The following DCAF6 variants were observed in gnomAD, a reference collection of about 807,000 sequenced individuals.
DCAF6 encodes the protein DDB1- and CUL4-associated factor 6.
A neutral mutation model predicts 125.1 loss-of-function variants in DCAF6; 54 were observed. The ratio of observed to expected loss-of-function variants is 0.43; its 90% CI spans 0.35 to 0.54. The LOEUF (loss-of-function observed/expected upper bound fraction) is 0.54, where lower values mean the gene tolerates loss of function less well. DCAF6 is among the 20% of genes least tolerant of loss of function. The probability of loss-of-function intolerance (pLI) is 0.01; values close to 1 mark genes in which losing one functional copy is unlikely to be tolerated. For missense variants in DCAF6, 934 were observed against 1,161.7 expected (o/e 0.80, Z 2.85); for synonymous variants, 371 against 390.4 (o/e 0.95, Z 0.58).
At chr1:167,890,057 G>C in the DCAF6 span, among the ~76,000 whole-genome samples, 2 of 151,786 alleles carry the variant, frequency 1.3e-5, no homozygotes, top group Admixed American at 1.3e-4. Flanking sequence ...TCTCCACCCT[G>C]GTGCCTTATT....
At chr1:167,863,691 C>T in the DCAF6 span, among the ~76,000 whole-genome samples, 4,415 of 152,330 alleles carry the variant, frequency 0.029, 223 homozygotes, top group African/African-American at 0.1. Flanking sequence ...GCCAGAGTGA[C>T]GCGGATCCTG....
chr1:167,962,559 A>T (rs898636398), intron 2 of DCAF6, among the ~76,000 whole-genome samples: 1 of 152,160 alleles, frequency 6.6e-6, no homozygotes, highest in East Asian at 1.9e-4. Flanking sequence ...ATTTTTCTCA[A>T]TCCATTTACT....
intron 4 of DCAF6, 91 bp from the exon 5 acceptor site, chr1:167,987,404 C>A: frequency 1.5e-6 from 1 of 674,410 alleles, no homozygotes; most frequent in South Asian, 2.0e-5. Context: ...TAACCTTTAC[C>A]TTAATCATTT....
the DCAF6 span, among the ~76,000 whole-genome samples, chr1:167,882,624 G>A: frequency 6.6e-6 from 1 of 152,062 alleles, no homozygotes; most frequent in East Asian, 1.9e-4. Flanking sequence ...AGCTTCTGGG[G>A]TAAGATGGTT....
At chr1:167,976,498 A>G (rs1228127042) in intron 4 of DCAF6, among the ~76,000 whole-genome samples, 2 of 152,052 alleles carry the variant, frequency 1.3e-5, no homozygotes, top group Non-Finnish European at 2.9e-5. Context: ...AATAAAGTCT[A>G]CCTTTCGAAT....
the DCAF6 span, chr1:167,903,799 A>C: frequency 1.1e-6 from 1 of 950,352 alleles, no homozygotes; most frequent in Non-Finnish European, 1.7e-6. Flanking sequence ...GTGCTAAGCA[A>C]TTGTACTCTA....
the DCAF6 span, among the ~76,000 whole-genome samples, chr1:167,906,656 G>A: frequency 5.3e-4 from 81 of 151,412 alleles, no homozygotes; most frequent in Admixed American, 9.2e-4. Context: ...GGGTGTGGTG[G>A]CATGCACCTG....
At chr1:167,985,365 G>A (rs1204750577) in intron 4 of DCAF6, among the ~76,000 whole-genome samples, 1 of 152,162 alleles carries the variant, frequency 6.6e-6, no homozygotes, top group Non-Finnish European at 1.5e-5. Context: ...TTCTGGTCTT[G>A]CCTTTTCCAG....
the DCAF6 span, among the ~76,000 whole-genome samples, chr1:167,927,021 C>T: frequency 2.6e-5 from 4 of 152,240 alleles, no homozygotes; most frequent in Non-Finnish European, 4.4e-5. Context: ...CACATTAACC[C>T]GAAGACAAGG....
intron 11 of DCAF6, chr1:168,019,535 T>C (rs1352674535): frequency 6.6e-6 from 3 of 455,986 alleles, no homozygotes; most frequent in African/African-American, 2.0e-5. Flanking sequence ...ACTCTTTTTT[T>C]CCATTTCAGG....
intron 12 of DCAF6, chr1:168,023,383 TA>T (rs1685912734): frequency 8.6e-6 from 3 of 349,918 alleles, no homozygotes; most frequent in Middle Eastern, 8.4e-4. Flanking sequence ...GTGAGGTTAA[TA>T]CTACCTCGTT....
chr1:167,880,622 G>C, the DCAF6 span: 377 of 1,586,410 alleles, frequency 2.4e-4, 3 homozygotes, highest in South Asian at 4.1e-3. Flanking sequence ...GTGAGGGAGA[G>C]AGACAGCAAC....
upstream of DCAF6, chr1:167,935,717 AT>A (rs1671124915): frequency 6.5e-7 from 1 of 1,548,752 alleles, no homozygotes; most frequent in African/African-American, 1.4e-5. Context: ...ATAAGGAGCC[AT>A]TCAGGGTCCA....
chr1:167,874,606 T>C, the DCAF6 span, among the ~76,000 whole-genome samples: 1 of 148,022 alleles, frequency 6.8e-6, no homozygotes, highest in Non-Finnish European at 1.5e-5. Context: ...TCCTACGTTT[T>C]ACTCCTACCT....
rs535173146 is a variant in DCAF6, at chr1:167,993,528, T to C, written c.903+88T>C. 23 of 1,066,628 alleles carry C rather than the reference T, an allele frequency of 2.2e-5. No individual in the cohort carries two copies. In the African/African-American group the frequency reaches 3.3e-4, roughly 15 times the overall value. The allele number at this position is 1,066,628 out of a possible 1,614,324, so 66.1% of individuals were successfully genotyped here. Reference sequence around the variant, plus strand: ...GCTTTGGGAGGCCGAGGTGGGTGGATCACCTGCGGTTGGGAGTTTGCAACC... The same window carrying C: ...GCTTTGGGAGGCCGAGGTGGGTGGACCACCTGCGGTTGGGAGTTTGCAACC... On this transcript the variant is annotated intron_variant, in intron 7 of 21. Transcript: ENST00000367840.
At chr1:168,033,162 G>T (rs958821288) in intron 12 of DCAF6, among the ~76,000 whole-genome samples, 9 of 152,234 alleles carry the variant, frequency 5.9e-5, no homozygotes, top group Admixed American at 5.9e-4. Context: ...TGATTCTTAT[G>T]CAAAAGACTT....
At chr1:168,016,149 T>A (rs1362726495) in intron 11 of DCAF6, among the ~76,000 whole-genome samples, 198 bp downstream of exon 11, 1 of 152,006 alleles carries the variant, frequency 6.6e-6, no homozygotes, top group Non-Finnish European at 1.5e-5. Flanking sequence ...GCCAGAGAGG[T>A]GAATATAAAA....
chr1:167,887,248 T>G, the DCAF6 span, among the ~76,000 whole-genome samples: 1 of 152,298 alleles, frequency 6.6e-6, no homozygotes, highest in Admixed American at 6.5e-5. Flanking sequence ...CATGCACATG[T>G]ATGTTTATTG....
intron 17 of DCAF6, among the ~76,000 whole-genome samples, chr1:168,055,166 T>C (rs1259858425): frequency 6.6e-6 from 1 of 152,130 alleles, no homozygotes; most frequent in Non-Finnish European, 1.5e-5. Flanking sequence ...ACAGTAACTT[T>C]GATTCTTATA....
Sources: gnomAD v4.1 joint callset for allele counts (sites outside exome capture counted in the v4.1 genomes callset) on GRCh38, gnomAD v4.1.1 for gene constraint, MANE v1.5 for transcripts, NCBI Gene and HGNC (gene_info 2026-07-23, HGNC 2026-07-21) for gene names.